The following SLC11A2 variants were observed in gnomAD, a reference collection of about 807,000 sequenced individuals.
SLC11A2 encodes the protein natural resistance-associated macrophage protein 2.
A neutral mutation model predicts 68.0 loss-of-function variants in SLC11A2; 38 were observed. The ratio of observed to expected loss-of-function variants is 0.56; its 90% CI spans 0.43 to 0.73. SLC11A2 has a LOEUF of 0.73. Ranked by LOEUF, SLC11A2 falls within the 30% of genes least tolerant of loss-of-function variation. The pLI, the probability that SLC11A2 is intolerant of heterozygous loss-of-function variation, is 0.00. For missense variants in SLC11A2, 517 were observed against 690.5 expected, an observed-to-expected ratio of 0.75 and a Z score of 2.82; for synonymous variants, 242 against 250.6, an observed-to-expected ratio of 0.97 and a Z score of 0.32.
the SLC11A2 span, among the ~76,000 whole-genome samples, chr12:50,961,436 A>AT: frequency 6.6e-6 from 1 of 152,176 alleles, no homozygotes; most frequent in Non-Finnish European, 1.5e-5. Flanking sequence ...TGTGATCCCC[A>AT]TCTCATGGCT....
At chr12:50,963,886 A>G in the SLC11A2 span, among the ~76,000 whole-genome samples, 1 of 152,204 alleles carries the variant, frequency 6.6e-6, no homozygotes, top group Non-Finnish European at 1.5e-5. Context: ...CTTGACATCC[A>G]TATATACCTC....
chr12:51,028,364 A>C (rs1944469081), upstream of SLC11A2: 6 of 582,840 alleles, frequency 1.0e-5, no homozygotes, highest in South Asian at 1.4e-4. Flanking sequence ...AAGGAATTTC[A>C]AGAGGCAAAC....
rs755371553 is a variant in SLC11A2, at chr12:51,010,778, A to T, written c.-38-12T>A. 2.6e-6 allele frequency: 4 copies of T among 1,537,220 alleles called. No individual in the cohort carries two copies. The African/African-American group carries it at 4.1e-5, about 16-fold the overall frequency. ...CTTAGAATATGATTCTGGAAAGGAGAAAAGTGAGGGAGAAGAATTAGGAAG... is the reference window on the plus strand; with the variant it reads ...CTTAGAATATGATTCTGGAAAGGAGTAAAGTGAGGGAGAAGAATTAGGAAG... On this transcript the variant is annotated splice_polypyrimidine_tract_variant and intron_variant, in intron 1 of 15. Coordinates refer to ENST00000262052, the MANE Select transcript of SLC11A2 (RefSeq NM_000617.3).
At chr12:51,018,357 G>T (rs7972406) in intron 1 of SLC11A2, among the ~76,000 whole-genome samples, 22,298 of 151,422 alleles carry the variant, frequency 0.15, 1,867 homozygotes, top group South Asian at 0.26. Context: ...TCATGCCACT[G>T]CACTCCAGCC....
chr12:50,959,635 C>T, the SLC11A2 span, among the ~76,000 whole-genome samples: 14 of 150,950 alleles, frequency 9.3e-5, no homozygotes, highest in Admixed American at 7.9e-4. Context: ...TTATTTTTGT[C>T]GTTGTTGGTT....
intron 2 of SLC11A2, 44 bp downstream of exon 2, chr12:51,010,651 T>A (rs1264580125): frequency 2.8e-6 from 3 of 1,073,188 alleles, no homozygotes; most frequent in Non-Finnish European, 2.9e-6. Context: ...AACATAAACC[T>A]AATTACAAAT....
At chr12:50,968,110 G>A in the SLC11A2 span, among the ~76,000 whole-genome samples, 2 of 151,918 alleles carry the variant, frequency 1.3e-5, no homozygotes, top group African/African-American at 4.8e-5. Flanking sequence ...AGAAGGAGGA[G>A]GAGGAGGAGG....
At chr12:50,973,202 T>G in the SLC11A2 span, among the ~76,000 whole-genome samples, 23,151 of 152,042 alleles carry the variant, frequency 0.15, 1,951 homozygotes, top group South Asian at 0.27. Context: ...CCTCAAGTGG[T>G]TCCCTGACCC....
chr12:50,978,408 C>T (rs1198527064), downstream of SLC11A2, among the ~76,000 whole-genome samples: 2 of 147,488 alleles, frequency 1.4e-5, no homozygotes, highest in Non-Finnish European at 3.0e-5. Context: ...AACCAAACGT[C>T]GCATGTTCTC....
At chr12:50,964,204 C>T in the SLC11A2 span, among the ~76,000 whole-genome samples, 25,514 of 152,148 alleles carry the variant, frequency 0.17, 2,550 homozygotes, top group East Asian at 0.5. Context: ...GGAAGAAACA[C>T]TCCTAAATAT....
At chr12:50,991,551 T>G (rs1381811645) in intron 14 of SLC11A2, 48 bp downstream of exon 14, 10 of 1,465,926 alleles carry the variant, frequency 6.8e-6, no homozygotes, top group Non-Finnish European at 9.5e-6. Flanking sequence ...GAAGATACCC[T>G]TTCCCCATAT....
downstream of SLC11A2, among the ~76,000 whole-genome samples, chr12:50,978,969 G>C (rs758225582): frequency 3.3e-5 from 5 of 152,166 alleles, no homozygotes; most frequent in Non-Finnish European, 5.9e-5. Flanking sequence ...TGACTGCTCA[G>C]TAACAATTAG....
the SLC11A2 span, among the ~76,000 whole-genome samples, chr12:50,968,208 C>T: frequency 2.6e-5 from 4 of 152,062 alleles, no homozygotes; most frequent in African/African-American, 7.2e-5. Flanking sequence ...ACAGTTTATG[C>T]GAAGCTGTTG....
At chr12:50,981,727 C>T, downstream of SLC11A2, 1 of 1,532,438 alleles carries the variant, frequency 6.5e-7, no homozygotes, top group South Asian at 1.2e-5. Context: ...GGCTGTCAGT[C>T]ATCTAGACAC....
downstream of SLC11A2, chr12:50,980,868 C>T (rs1939983430): frequency 6.6e-6 from 1 of 152,160 alleles, no homozygotes; most frequent in African/African-American, 2.4e-5. Flanking sequence ...GACTTACAAG[C>T]TAAATGTTAG....
the SLC11A2 span, among the ~76,000 whole-genome samples, chr12:50,970,195 A>T: frequency 6.6e-6 from 1 of 152,186 alleles, no homozygotes; most frequent in Non-Finnish European, 1.5e-5. Flanking sequence ...ACATTTCACC[A>T]ATATTTTGGT....
the SLC11A2 span, among the ~76,000 whole-genome samples, chr12:50,964,850 A>C: frequency 6.6e-6 from 1 of 152,224 alleles, no homozygotes; most frequent in Non-Finnish European, 1.5e-5. Flanking sequence ...CCAAATAGGC[A>C]AACTAAATGG....
chr12:51,000,551 AC>A, intron 5 of SLC11A2, 132 bp from the exon 6 acceptor site: 1 of 722,786 alleles, frequency 1.4e-6, no homozygotes, highest in South Asian at 1.5e-5. Context: ...GAGAAGAAAT[AC>A]CAGAACGTGC....
intron 1 of SLC11A2, among the ~76,000 whole-genome samples, chr12:51,023,438 C>A (rs548610228): frequency 6.6e-6 from 1 of 152,288 alleles, no homozygotes; most frequent in South Asian, 2.1e-4. Flanking sequence ...GAGAGCGAGA[C>A]CCTGTCTCAA....
Sources: gnomAD v4.1 joint callset for allele counts (sites outside exome capture counted in the v4.1 genomes callset) on GRCh38, gnomAD v4.1.1 for gene constraint, MANE v1.5 for transcripts, NCBI Gene and HGNC (gene_info 2026-07-23, HGNC 2026-07-21) for gene names.